Variants in GRIN2A observed in about 807,000 individuals in gnomAD.
GRIN2A encodes glutamate receptor ionotropic, NMDA 2A.
In GRIN2A, 22 loss-of-function variants were observed where a neutral mutation model predicts 113.4. The observed-to-expected ratio is 0.19, with a 90% confidence interval of 0.14 to 0.28. GRIN2A has a LOEUF of 0.28. Among genes scored for constraint, GRIN2A ranks in the 10% least tolerant of loss-of-function variants. GRIN2A has a pLI of 1.00. For missense variants in GRIN2A, 1,502 were observed against 1,887.0 expected (o/e 0.80, Z 3.78); for synonymous variants, 827 against 738.4 (o/e 1.12, Z -1.94).
chr16:9,871,824 C>T lies in GRIN2A; in HGVS notation c.1122+19162G>A, dbSNP rs190765669. 2.0e-3 allele frequency among the ~76,000 whole-genome samples: 298 copies of T among 152,252 alleles called. 1 individual carries two copies. Among genetic ancestry groups the T allele is most frequent in the Non-Finnish European group, 1.4e-3 (95 of 68,014 alleles). On this transcript the variant is annotated intron_variant, in intron 4 of 12. Transcript: ENST00000330684. ...GATGCAAGGAAAACTAAGCTCCATT[C>T]GCTTCCCACTTAAATTCTCTATCTC...
chr16:9,877,546 G>T (rs1192492622), intron 4 of GRIN2A, among the ~76,000 whole-genome samples: 5 of 151,796 alleles, frequency 3.3e-5, no homozygotes, highest in South Asian at 2.1e-4. Context: ...AATTAGAAAA[G>T]AAAATTTGCC....
At chr16:9,838,580 G>A (rs2042621168) in intron 7 of GRIN2A, among the ~76,000 whole-genome samples, 1 of 152,180 alleles carries the variant, frequency 6.6e-6, no homozygotes. Context: ...TTGTGAGATG[G>A]AGGATGGGTA....
chr16:10,132,634 G>T (rs755354579), intron 2 of GRIN2A, among the ~76,000 whole-genome samples: 8 of 152,198 alleles, frequency 5.3e-5, no homozygotes, highest in Non-Finnish European at 1.2e-4. Context: ...CCACTAACTA[G>T]ATCTGTCATT....
rs772385154 is a variant in GRIN2A at position 9,764,721 on chromosome 16, C to A, written c.2823G>T (p.Leu941Phe). ...GAAAGGACCTGTTGTCTGAGTACAT[C>A]AAATTCCCCTTATCTGAAACCATGT... Reference protein sequence around the residue: ...IMDMVSDKGNLMYSDNRSFQG... With the variant: ...IMDMVSDKGNFMYSDNRSFQG... The change falls in exon 13 of 13, where the codon TTG becomes TTT. Residue 941 changes from leucine to phenylalanine, a missense_variant. Coordinates refer to ENST00000330684, the MANE Select transcript of GRIN2A (RefSeq NM_001134407.3). 3 of 1,614,128 alleles carry A rather than the reference C, an allele frequency of 1.9e-6. No homozygotes were observed. The highest frequency in any genetic ancestry group is 2.5e-6 in the Non-Finnish European group (3 of 1,180,048).
chr16:10,119,738 C>T (rs554276806), intron 2 of GRIN2A, among the ~76,000 whole-genome samples: 1 of 152,318 alleles, frequency 6.6e-6, no homozygotes, highest in South Asian at 2.1e-4. Flanking sequence ...TCCTCCCACC[C>T]TCCGCCCTCG....
intron 11 of GRIN2A, among the ~76,000 whole-genome samples, chr16:9,796,009 T>A (rs1399232436): frequency 6.6e-6 from 1 of 152,306 alleles, no homozygotes; most frequent in African/African-American, 2.4e-5. Context: ...AGATTCAATT[T>A]CCTCCTCTGT....
intron 3 of GRIN2A, among the ~76,000 whole-genome samples, chr16:9,932,622 A>G (rs1291279817): frequency 6.6e-6 from 1 of 151,886 alleles, no homozygotes; most frequent in Non-Finnish European, 1.5e-5. Context: ...ACCTCAAGTG[A>G]TCTGCCTGCC....
chr16:9,827,217 C>G (rs532098972), intron 9 of GRIN2A, among the ~76,000 whole-genome samples: 3 of 152,220 alleles, frequency 2.0e-5, no homozygotes, highest in Non-Finnish European at 4.4e-5. Flanking sequence ...GGCTGGCTGG[C>G]GAGTGGCAGA....
At position 9,810,001 on chromosome 16, in the gene GRIN2A, G is replaced by A. The variant is rs138928518; in HGVS notation, c.2169-11537C>T. Among the ~76,000 whole-genome samples the A allele has an allele frequency of 5.5e-4, 84 of 152,336 alleles. 1 individual carries two copies. The East Asian group carries it at 0.015, about 28-fold the overall frequency. On this transcript the variant is annotated intron_variant, in intron 10 of 12. Coordinates refer to ENST00000330684, the MANE Select transcript of GRIN2A (RefSeq NM_001134407.3). ...GAGAATCACTTGATCCTAGGAGGTA[G>A]AGGTTGCAGTGGGCCGAGATCGCGC...
chr16:10,123,603 A>T (rs1367412389), intron 2 of GRIN2A, among the ~76,000 whole-genome samples: 1 of 151,808 alleles, frequency 6.6e-6, no homozygotes, highest in Non-Finnish European at 1.5e-5. Context: ...CATGCACGTG[A>T]ATCGCCGAGG....
intron 2 of GRIN2A, among the ~76,000 whole-genome samples, chr16:10,105,505 C>T (rs1225763003): frequency 6.7e-6 from 1 of 149,354 alleles, no homozygotes; most frequent in Non-Finnish European, 1.5e-5. Context: ...AAAAAAAAAT[C>T]AATGGGGGAG....
intron 2 of GRIN2A, chr16:9,970,757 A>G: frequency 1.0e-6 from 1 of 968,578 alleles, no homozygotes; most frequent in Non-Finnish European, 1.2e-6. Flanking sequence ...AGAAAATTAC[A>G]GGCTGGTAAA....
At chr16:9,968,705 T>G (rs1455388748) in intron 2 of GRIN2A, among the ~76,000 whole-genome samples, 1 of 152,116 alleles carries the variant, frequency 6.6e-6, no homozygotes, top group Non-Finnish European at 1.5e-5. Flanking sequence ...ACTCCCGGGT[T>G]CAAGAGAGTC....
intron 2 of GRIN2A, chr16:10,111,641 G>A: frequency 2.6e-6 from 4 of 1,529,432 alleles, no homozygotes; most frequent in Non-Finnish European, 2.7e-6. Flanking sequence ...CTGATGGGAG[G>A]TATTGGTTTC....
intron 2 of GRIN2A, among the ~76,000 whole-genome samples, chr16:10,165,750 GAAA>G (rs1567344143): frequency 5.2e-5 from 3 of 58,082 alleles, no homozygotes; most frequent in Non-Finnish European, 3.3e-5. Context: ...GGGGAGGGGA[GAAA>G]GGAGGGGAGG....
chr16:9,894,247 C>G (rs539487099), intron 3 of GRIN2A, among the ~76,000 whole-genome samples: 2 of 152,226 alleles, frequency 1.3e-5, no homozygotes, highest in African/African-American at 4.8e-5. Context: ...TGCAGAGGAT[C>G]CCTGAAGCCA....
intron 11 of GRIN2A, among the ~76,000 whole-genome samples, chr16:9,776,742 C>A (rs1901628348): frequency 6.6e-6 from 1 of 152,024 alleles, no homozygotes; most frequent in Non-Finnish European, 1.5e-5. Flanking sequence ...GACCCCATTT[C>A]AATCCTGTTT....
At chr16:9,868,024 C>T (rs1055995023) in intron 4 of GRIN2A, among the ~76,000 whole-genome samples, 1 of 152,120 alleles carries the variant, frequency 6.6e-6, no homozygotes, top group African/African-American at 2.4e-5. Context: ...TTCTTGAAAT[C>T]CCAACCATGG....
At chr16:9,843,587 T>G (rs1357604428) in intron 5 of GRIN2A, among the ~76,000 whole-genome samples, 1 of 152,234 alleles carries the variant, frequency 6.6e-6, no homozygotes, top group Non-Finnish European at 1.5e-5. Flanking sequence ...ACTGCCTGTC[T>G]TGAATCACTC....
Sources: allele counts gnomAD v4.1 joint callset (sites outside exome capture counted in the v4.1 genomes callset), GRCh38; gene constraint gnomAD v4.1.1; transcripts MANE v1.5; gene names NCBI Gene and HGNC (gene_info 2026-07-23, HGNC 2026-07-21).